Variants in GNAO1 observed in about 807,000 individuals in gnomAD.
GNAO1 encodes the protein guanine nucleotide-binding protein G(o) subunit alpha.
For synonymous variants in GNAO1, 164 were observed against 180.7 expected (o/e 0.91, Z 0.74); for missense variants, 166 against 478.7 (o/e 0.35, Z 6.10).
chr16:56,194,255 C>T, intron 2 of GNAO1: 1 of 456,628 alleles, frequency 2.2e-6, no homozygotes, highest in Non-Finnish European at 4.4e-6. Flanking sequence ...TGAGCTTGTG[C>T]AACCCAAATT....
Position 56,315,781 on chromosome 16 carries a change from C to T in GNAO1, c.304-12850C>T, listed in dbSNP as rs149356960. On this transcript the variant is annotated intron_variant, in intron 3 of 8. Coordinates refer to ENST00000262493, the MANE Select transcript of GNAO1 (RefSeq NM_020988.3). ...AGCAGGGGCCAGGCACAGTGGATCACACCTGTAATCCCAGCACTTTGAGAG... is the reference window on the plus strand; with the variant it reads ...AGCAGGGGCCAGGCACAGTGGATCATACCTGTAATCCCAGCACTTTGAGAG... 4.3e-3 allele frequency among the ~76,000 whole-genome samples: 649 copies of T among 152,178 alleles called. 3 individuals are homozygous for T. Among genetic ancestry groups the T allele is most frequent in the East Asian group, 0.028 (147 of 5,164 alleles).
At chr16:56,306,319 G>C (rs544914551) in intron 3 of GNAO1, among the ~76,000 whole-genome samples, 1 of 152,344 alleles carries the variant, frequency 6.6e-6, no homozygotes, top group East Asian at 1.9e-4. Flanking sequence ...CCCCTTCATC[G>C]TTGTGGCGGA....
chr16:56,304,222 T>G (rs2037371572), intron 3 of GNAO1, among the ~76,000 whole-genome samples: 1 of 152,204 alleles, frequency 6.6e-6, no homozygotes, highest in African/African-American at 2.4e-5. Context: ...GCCCCAGACT[T>G]CAGGGAGCCC....
At chr16:56,229,382 A>G (rs2036566256) in intron 2 of GNAO1, among the ~76,000 whole-genome samples, 1 of 151,896 alleles carries the variant, frequency 6.6e-6, no homozygotes, top group Non-Finnish European at 1.5e-5. Context: ...TTTTTTTTGT[A>G]TTTTTAGTAG....
chr16:56,297,126 G>A (rs1037728048), intron 3 of GNAO1, among the ~76,000 whole-genome samples: 4 of 152,156 alleles, frequency 2.6e-5, no homozygotes, highest in African/African-American at 9.7e-5. Context: ...AGTAGGACAC[G>A]GGATTCCCTG....
chr16:56,355,917 G>C (rs972849268), intron 8 of GNAO1, 186 bp from the exon 9 acceptor site: 1 of 88,494 alleles, frequency 1.1e-5, no homozygotes, highest in African/African-American at 6.7e-5. Context: ...CAGGGTCTCA[G>C]GGGGGGGCCA....
chr16:56,302,395 AG>A (rs765631344), intron 3 of GNAO1: 1 of 152,304 alleles, frequency 6.6e-6, no homozygotes, highest in Non-Finnish European at 1.5e-5. Context: ...TTGTATGATG[AG>A]GGAGCATAGA....
intron 2 of GNAO1, among the ~76,000 whole-genome samples, chr16:56,240,742 A>AT (rs1164107692): frequency 6.6e-6 from 1 of 152,130 alleles, no homozygotes. Context: ...AGGGTGCCTC[A>AT]TAGCTGGGCA....
intron 2 of GNAO1, among the ~76,000 whole-genome samples, chr16:56,254,414 C>A (rs1013408620): frequency 6.6e-6 from 1 of 152,078 alleles, no homozygotes; most frequent in Non-Finnish European, 1.5e-5. Flanking sequence ...TTCCTTTTAT[C>A]ATCACAAACA....
intron 6 of GNAO1, chr16:56,346,059 G>T: frequency 1.0e-6 from 1 of 985,516 alleles, no homozygotes; most frequent in South Asian, 4.7e-5. Context: ...AGCCCTTCCT[G>T]CCCTCCATCC....
chr16:56,311,844 A>G lies in GNAO1; in HGVS notation c.304-16787A>G, dbSNP rs2037462103. 6.6e-6 allele frequency among the ~76,000 whole-genome samples: 1 copy of G among 151,976 alleles called. No individual in the cohort carries two copies. Among genetic ancestry groups the G allele is most frequent in the Admixed American group, 6.6e-5 (1 of 15,266 alleles). ...ATGGCCATGGGTGCCACTCTGCCTC[A>G]CCTGTGTTTTAGTTGACAGGAGTAT... On this transcript the variant is annotated intron_variant, in intron 3 of 8. Transcript: ENST00000262493. This position sits in a 1 kb window ranked among gnomAD's most constrained non-coding sequence, Gnocchi z 5.2.
chr16:56,210,571 C>T (rs1403040608), intron 2 of GNAO1, among the ~76,000 whole-genome samples: 7 of 152,342 alleles, frequency 4.6e-5, no homozygotes, highest in African/African-American at 7.2e-5. Flanking sequence ...TGCAACGTCA[C>T]CAGCATTTGG....
chr16:56,224,727 A>G (rs542542810), intron 2 of GNAO1, among the ~76,000 whole-genome samples: 1 of 152,296 alleles, frequency 6.6e-6, no homozygotes, highest in South Asian at 2.1e-4. Context: ...GTGATCCACC[A>G]AAGTGTTGGG....
chr16:56,196,037 C>T (rs1195378029), intron 2 of GNAO1, among the ~76,000 whole-genome samples: 1 of 152,050 alleles, frequency 6.6e-6, no homozygotes, highest in Non-Finnish European at 1.5e-5. Flanking sequence ...TAAGGGGAAA[C>T]GTGCATCTGC....
At chr16:56,317,965 C>G (rs867698598) in intron 3 of GNAO1, among the ~76,000 whole-genome samples, 7 of 152,148 alleles carry the variant, frequency 4.6e-5, no homozygotes, top group African/African-American at 1.2e-4. Context: ...ATCCTAAGCC[C>G]AAGCGAGGAA....
intron 6 of GNAO1, chr16:56,347,207 T>G (rs1432720215): frequency 1.0e-6 from 1 of 985,322 alleles, no homozygotes; most frequent in Non-Finnish European, 1.2e-6. Flanking sequence ...TGGCTGCCTC[T>G]TCTCTTCTCT....
At chr16:56,286,733 A>G (rs7188351) in intron 3 of GNAO1, among the ~76,000 whole-genome samples, 60 of 111,124 alleles carry the variant, frequency 5.4e-4, no homozygotes, top group African/African-American at 6.9e-4. Flanking sequence ...GTGTGTGTGT[A>G]TGTGTGTATC....
intron 2 of GNAO1, among the ~76,000 whole-genome samples, chr16:56,271,365 C>T (rs1213637354): frequency 6.6e-6 from 1 of 152,144 alleles, no homozygotes; most frequent in Non-Finnish European, 1.5e-5. Context: ...AGGGTAAACC[C>T]TCAAACATGA....
chr16:56,328,532 G>A (rs890143538), intron 3 of GNAO1, 99 bp from the exon 4 acceptor site: 43 of 1,240,088 alleles, frequency 3.5e-5, no homozygotes, highest in Middle Eastern at 4.1e-4. Context: ...GCACTGGCTG[G>A]GCTCTCATCA....
Sources: allele counts gnomAD v4.1 joint callset (sites outside exome capture counted in the v4.1 genomes callset), GRCh38; gene constraint gnomAD v4.1.1; non-coding constraint Gnocchi (gnomAD v3.1); transcripts MANE v1.5; gene names NCBI Gene and HGNC (gene_info 2026-07-23, HGNC 2026-07-21).